The following PLEC variants were observed in gnomAD, a reference collection of about 807,000 sequenced individuals.
The protein encoded by PLEC is plectin.
In PLEC, 216 loss-of-function variants were observed where a neutral mutation model predicts 392.8. That is an observed-to-expected ratio of 0.55 (90% CI 0.49 to 0.62). The LOEUF (loss-of-function observed/expected upper bound fraction) is 0.62. Among genes scored for constraint, PLEC ranks in the 20% least tolerant of loss-of-function variants. The probability of loss-of-function intolerance (pLI) is 0.00; values close to 1 mark genes in which losing one functional copy is unlikely to be tolerated. For missense variants in PLEC, 6,863 were observed against 6,563.4 expected (o/e 1.05, Z -1.58); for synonymous variants, 3,621 against 2,980.6 (o/e 1.21, Z -7.00).
chr8:143,919,130 C>T lies in PLEC; in HGVS notation c.10691G>A (p.Arg3564Lys). ...GATCTGTGTCTCTTCAAATGCCCTT[C>T]TTGTCTCCTCCTCAGTGTACACCTG... is the stretch of plus-strand genomic sequence containing the variant. ...TTQVYTEEET[R>K]RAFEETQIDI... Residue 3564 changes from arginine (R) to lysine (K), a missense_variant, in exon 32 of 32, where the codon AGA becomes AAA. Transcript: ENST00000345136. 1 of 1,613,314 alleles carries T rather than the reference C, an allele frequency of 6.2e-7. No individual in the cohort carries two copies. Among genetic ancestry groups the T allele is most frequent in the Non-Finnish European group, 8.5e-7 (1 of 1,180,048 alleles).
rs200202579 is a variant in PLEC, at chr8:143,921,620, G to A, written c.8201C>T (p.Ala2734Val). 1.6e-3 allele frequency: 2,592 copies of A among 1,612,696 alleles called. 6 individuals carry two copies. Among genetic ancestry groups the A allele is most frequent in the Non-Finnish European group, 2.0e-3 (2,353 of 1,179,788 alleles). The change falls in exon 32 of 32, where the codon GCG (alanine) becomes GTG (valine). Residue 2734 changes from alanine to valine, a missense_variant. Transcript: ENST00000345136. ...GTALILLEAQAASGFLLDPVR... is the reference protein window; with the variant it reads ...GTALILLEAQVASGFLLDPVR... ...AGGGTCCAGCAGGAAGCCTGAGGCC[G>A]CCTGCGCCTCCAGCAGGATGAGGGC...
At position 143,923,817 on chromosome 8, in the gene PLEC, G is replaced by A. The variant is rs1554694327; in HGVS notation, c.6112C>T (p.Leu2038=). 1.9e-6 allele frequency: 3 copies of A among 1,583,048 alleles called. No individual in the cohort carries two copies. The highest frequency in any genetic ancestry group is 1.1e-5 in the South Asian group (1 of 88,876). Residue 2038 remains leucine, a synonymous_variant, in exon 31 of 32, where the codon CTG becomes TTG. Transcript: ENST00000345136. Reference sequence around the variant, plus strand: ...CGCTTCTGGGCGGCCTCCTGGGCCAGCTGCAGCTGCCGCGCCGACTCCTGC... The same window carrying A: ...CGCTTCTGGGCGGCCTCCTGGGCCAACTGCAGCTGCCGCGCCGACTCCTGC... The part of the protein sequence containing the change: ...AEQESARQLQ[L]AQEAAQKRLQ...
At chr8:143,960,313 C>T (rs1247538906) in intron 1 of PLEC, among the ~76,000 whole-genome samples, 1 of 151,012 alleles carries the variant, frequency 6.6e-6, no homozygotes, top group East Asian at 2.0e-4. Flanking sequence ...ATAAAATAAA[C>T]AATAAAATAA....
At chr8:143,927,178 G>T in intron 28 of PLEC, 74 bp downstream of exon 28, 1 of 1,575,740 alleles carries the variant, frequency 6.3e-7, no homozygotes. Flanking sequence ...GCATGGCCCA[G>T]GCTCAGGGAA....
In PLEC at chr8:143,973,147, G is replaced by A. The variant is rs1406618792; in HGVS notation, c.70+256C>T. 1.3e-5 allele frequency among the ~76,000 whole-genome samples: 2 copies of A among 152,128 alleles called. No individual in the cohort carries two copies. The highest frequency in any genetic ancestry group is 2.9e-5 in the Non-Finnish European group (2 of 67,996). On this transcript the variant is annotated intron_variant, in intron 1 of 31. Coordinates refer to the PLEC transcript ENST00000356346. This position sits in a 1 kb window ranked among gnomAD's most constrained non-coding sequence, Gnocchi z 5.6. ...CAGCCGACCCCGACAAGCCCTGAGC[G>A]CCCCCACCCGCCCGCGGCCCACCCC...
chr8:143,922,950 C>T lies in PLEC; in HGVS notation c.6979G>A (p.Ala2327Thr). 1.2e-6 allele frequency: 2 copies of T among 1,609,206 alleles called. No homozygotes were observed. The highest frequency in any genetic ancestry group is 1.7e-6 in the Non-Finnish European group (2 of 1,178,258). ...TGCTGCTGCAGCAGTTCCGCCTCAG[C>T]CTTGAGTCGCGTGGCCTCCTGCACC... ...QAVQEATRLK[A>T]EAELLQQQKE... is the part of the protein sequence containing the mutation. The change falls in exon 31 of 32, where the codon GCT (alanine) becomes ACT (threonine). Residue 2327 changes from alanine to threonine, a missense_variant. Ala to Thr is a moderately conservative substitution (Grantham distance 58, BLOSUM62 0). Transcript: ENST00000345136.
chr8:143,922,727 T>C lies in PLEC; in HGVS notation c.7202A>G (p.Glu2401Gly). ...EMSRAQARAE[E>G]DAQRFRKQAE... ...CTGCTTCCGGAAGCGCTGGGCGTCC[T>C]CCTCAGCGCGGGCCTGGGCTCGGCT... Residue 2401 changes from glutamate to glycine, a missense_variant, in exon 31 of 32, where the codon GAG (glutamate) becomes GGG (glycine). Transcript: ENST00000345136. 6.2e-7 allele frequency: 1 copy of C among 1,611,704 alleles called. No individual in the cohort carries two copies.
Position 143,917,357 on chromosome 8 carries a change from T to A in PLEC, c.12464A>T (p.Tyr4155Phe). ...AATCAGGCCCTTGCGGTAGGCCTCG[T>A]ACACTGACATCTCCTTGCCCGTCTC... ...DPETGKEMSV[Y>F]EAYRKGLIDH... Residue 4155 changes from tyrosine to phenylalanine, a missense_variant, in exon 32 of 32, where the codon TAC becomes TTC. Tyr to Phe is a conservative substitution (Grantham distance 22, BLOSUM62 3). Transcript: ENST00000345136. The A allele has an allele frequency of 6.2e-7, 1 of 1,610,440 alleles. No individual in the cohort carries two copies.
chr8:143,941,247 G>A (rs1830403354), upstream of PLEC, among the ~76,000 whole-genome samples: 1 of 152,186 alleles, frequency 6.6e-6, no homozygotes, highest in Non-Finnish European at 1.5e-5. Flanking sequence ...CTGAGGCACA[G>A]TGTGAGATCC....
chr8:143,916,286 C>T lies in PLEC; in HGVS notation c.13535G>A (p.Gly4512Asp). The part of the protein sequence containing the change: ...RRGSFDATGS[G>D]FSMTFSSSSY... ...GGATGAAGAGAAGGTCATGGAGAAG[C>T]CGGAGCCGGTGGCGTCAAAGCTGCC... is the stretch of plus-strand genomic sequence containing the variant. The change falls in exon 32 of 32, where the codon GGC (glycine) becomes GAC (aspartate). Residue 4512 changes from glycine to aspartate, a missense_variant. Gly to Asp is a moderately conservative substitution (Grantham distance 94). Coordinates refer to ENST00000345136, the MANE Select transcript of PLEC (RefSeq NM_201384.3). 6.4e-7 allele frequency: 1 copy of T among 1,565,300 alleles called. No individual in the cohort carries two copies. Among genetic ancestry groups the T allele is most frequent in the Non-Finnish European group, 8.7e-7 (1 of 1,155,872 alleles).
upstream of PLEC, among the ~76,000 whole-genome samples, chr8:143,955,740 C>A (rs1177632925): frequency 6.6e-6 from 1 of 151,534 alleles, no homozygotes; most frequent in Non-Finnish European, 1.5e-5. Context: ...GTTGGGACTA[C>A]AGGCGTGCAC....
upstream of PLEC, among the ~76,000 whole-genome samples, chr8:143,958,027 C>T (rs1276174826): frequency 1.3e-5 from 2 of 152,212 alleles, no homozygotes; most frequent in Non-Finnish European, 2.9e-5. This position sits in a 1 kb window ranked among gnomAD's most constrained non-coding sequence, Gnocchi z 4.9. Flanking sequence ...ACACACTCAG[C>T]CCTCCGGAGG....
At position 143,917,153 on chromosome 8, in the gene PLEC, C is replaced by T. The variant is rs782484926; in HGVS notation, c.12668G>A (p.Arg4223His). 8 of 1,607,320 alleles carry T rather than the reference C, an allele frequency of 5.0e-6. No individual in the cohort carries two copies. Among genetic ancestry groups the T allele is most frequent in the South Asian group, 2.2e-5 (2 of 91,024 alleles). The part of the protein sequence containing the change: ...LIDRSALDQY[R>H]AGTLSITEFA... Reference sequence around the variant, plus strand: ...CTCGGTGATGGAGAGCGTGCCGGCGCGGTACTGGTCCAGTGCCGAGCGGTC... The same window carrying T: ...CTCGGTGATGGAGAGCGTGCCGGCGTGGTACTGGTCCAGTGCCGAGCGGTC... The change falls in exon 32 of 32, where the codon CGC becomes CAC. Residue 4223 changes from arginine to histidine, a missense_variant. Coordinates refer to ENST00000345136, the MANE Select transcript of PLEC (RefSeq NM_201384.3).
At position 143,934,097 on chromosome 8, in the gene PLEC, G is replaced by A; in HGVS notation, c.1170-6C>T. The A allele has an allele frequency of 6.2e-7, 1 of 1,611,024 alleles. No individual in the cohort carries two copies. The highest frequency in any genetic ancestry group is 1.1e-5 in the South Asian group (1 of 90,798). ...TGCGCTGAAGACACTCCAGCCTGCA[G>A]CAGCAGCACAGGGAAGGGGCCGCGT... On this transcript the variant is annotated splice_region_variant and splice_polypyrimidine_tract_variant and intron_variant, in intron 11 of 31. Coordinates refer to ENST00000345136, the MANE Select transcript of PLEC (RefSeq NM_201384.3).
rs376957701 is a variant in PLEC, at chr8:143,923,464, C to G, written c.6465G>C (p.Ala2155=). The change falls in exon 31 of 32, where the codon GCG becomes GCC. Residue 2155 remains alanine, a synonymous_variant. Transcript: ENST00000345136. Reference sequence around the variant, plus strand: ...CAGCTGCCTGCTTCTGCCGCAGGGCCGCCTGCTCCGCCTGTGCCCGCCGCG... The same window carrying G: ...CAGCTGCCTGCTTCTGCCGCAGGGCGGCCTGCTCCGCCTGTGCCCGCCGCG... ...EAARRAQAEQ[A]ALRQKQAADA... is the part of the protein sequence containing the mutation. 13 of 1,606,442 alleles carry G rather than the reference C, an allele frequency of 8.1e-6. No homozygotes were observed. The highest frequency in any genetic ancestry group is 1.3e-5 in the African/African-American group (1 of 74,924).
rs561205647 is a variant in PLEC, at chr8:143,946,128, G to C, written c.523+4056C>G. Among the ~76,000 whole-genome samples the C allele has an allele frequency of 2.0e-5, 3 of 152,338 alleles. No homozygotes were observed. In the South Asian group the frequency reaches 6.2e-4, roughly 32 times the overall value. ...GCGGGAGGAGTGCCCCAGGCTGGCAGCGGGCAGTTCTTCTACCACTCCACG... is the reference window on the plus strand; with the variant it reads ...GCGGGAGGAGTGCCCCAGGCTGGCACCGGGCAGTTCTTCTACCACTCCACG... On this transcript the variant is annotated intron_variant, in intron 1 of 31. Coordinates refer to the PLEC transcript ENST00000322810.
Position 143,929,673 on chromosome 8 carries a change from G to C in PLEC, c.2896C>G (p.Gln966Glu), listed in dbSNP as rs1554711531. The C allele has an allele frequency of 1.2e-6, 2 of 1,601,044 alleles. No homozygotes were observed. Among genetic ancestry groups the C allele is most frequent in the Non-Finnish European group, 1.7e-6 (2 of 1,179,378 alleles). Residue 966 changes from glutamine (Q) to glutamate (E), a missense_variant, in exon 23 of 32, where the codon CAG becomes GAG. By Grantham distance (29) the Gln-to-Glu change is conservative (BLOSUM62 2). Coordinates refer to ENST00000345136, the MANE Select transcript of PLEC (RefSeq NM_201384.3). ...TGTTCCAGGCTCTGCAGCAGCTGCT[G>C]GTAGTGGTGGCTGCAGGAGCCGTAC... Reference protein sequence around the residue: ...REYGSCSHHYQQLLQSLEQGA... With the variant: ...REYGSCSHHYEQLLQSLEQGA...
Position 143,922,272 on chromosome 8 carries a change from C to T in PLEC, c.7549G>A (p.Glu2517Lys). 1 of 1,604,040 alleles carries T rather than the reference C, an allele frequency of 6.2e-7. No individual in the cohort carries two copies. Reference protein sequence around the residue: ...RFIEQEKAKLEQLFQDEVAKA... With the variant: ...RFIEQEKAKLKQLFQDEVAKA... ...GCCACCTCGTCCTGGAAGAGCTGCT[C>T]CAGCTTGGCCTTCTCCTGCTCGATG... Residue 2517 changes from glutamate to lysine, a missense_variant, in exon 32 of 32, where the codon GAG becomes AAG. By Grantham distance (56) the Glu-to-Lys change is moderately conservative. Coordinates refer to ENST00000345136, the MANE Select transcript of PLEC (RefSeq NM_201384.3).
At chr8:143,933,480 C>T in intron 12 of PLEC, 129 bp from the exon 13 acceptor site, 1 of 1,069,448 alleles carries the variant, frequency 9.4e-7, no homozygotes, top group Non-Finnish European at 1.4e-6. Flanking sequence ...CCCTGTCCTT[C>T]CCCTTCCCTC....
Sources: gnomAD v4.1 joint callset for allele counts (sites outside exome capture counted in the v4.1 genomes callset) on GRCh38, gnomAD v4.1.1 for gene constraint, Gnocchi (gnomAD v3.1) non-coding constraint, MANE v1.5 for transcripts, NCBI Gene and HGNC (gene_info 2026-07-23, HGNC 2026-07-21) for gene names.